The following CALD1 variants were observed in gnomAD, a reference collection of about 807,000 sequenced individuals.
The protein encoded by CALD1 is caldesmon 1, also known as caldesmon.
CALD1 carries 33 observed loss-of-function variants against 99.9 expected under a neutral mutation model. The observed-to-expected ratio is 0.33, with a 90% confidence interval of 0.25 to 0.44. The LOEUF is 0.44. Ranked by LOEUF, CALD1 falls within the 20% of genes least tolerant of loss-of-function variation. The pLI, the probability that CALD1 is intolerant of heterozygous loss-of-function variation, is 1.00. For synonymous variants in CALD1, 310 were observed against 325.0 expected (o/e 0.95, Z 0.50); for missense variants, 861 against 962.1 (o/e 0.89, Z 1.39).
At chr7:134,717,617 C>A in the CALD1 span, among the ~76,000 whole-genome samples, 1 of 152,210 alleles carries the variant, frequency 6.6e-6, no homozygotes, top group African/African-American at 2.4e-5. Flanking sequence ...CTGGAGCATT[C>A]GCCCGCCTCC....
the CALD1 span, among the ~76,000 whole-genome samples, chr7:134,731,095 A>G: frequency 6.6e-6 from 1 of 152,028 alleles, no homozygotes; most frequent in Admixed American, 6.6e-5. Context: ...CCCAACATCC[A>G]GCTGGGAGCC....
At chr7:134,800,915 C>T (rs1220987186) in intron 1 of CALD1, among the ~76,000 whole-genome samples, 1 of 151,924 alleles carries the variant, frequency 6.6e-6, no homozygotes, top group East Asian at 1.9e-4. Flanking sequence ...TTCTGAATTT[C>T]CAGAATTTTT....
chr7:134,774,821 T>C (rs1440163655), upstream of CALD1, among the ~76,000 whole-genome samples: 1 of 152,224 alleles, frequency 6.6e-6, no homozygotes, highest in African/African-American at 2.4e-5. Context: ...CATCTGGACT[T>C]ATGCTAATTC....
chr7:134,751,967 C>A (rs1032932402), intron 1 of CALD1, among the ~76,000 whole-genome samples: 1 of 152,022 alleles, frequency 6.6e-6, no homozygotes, highest in Non-Finnish European at 1.5e-5. Context: ...CAGAGTGATA[C>A]CTGTTTCAAA....
chr7:134,778,973 C>G (rs3807335), upstream of CALD1, among the ~76,000 whole-genome samples: 115 of 152,280 alleles, frequency 7.6e-4, no homozygotes, highest in African/African-American at 2.7e-3. Flanking sequence ...TCCCTTTGGT[C>G]ACTTATTTTT....
chr7:134,917,511 GCTAA>G (rs1235968862), intron 3 of CALD1, among the ~76,000 whole-genome samples: 2 of 152,050 alleles, frequency 1.3e-5, no homozygotes, highest in East Asian at 3.9e-4. Flanking sequence ...ACCACGCCCA[GCTAA>G]CTTTTTGTAT....
intron 7 of CALD1, among the ~76,000 whole-genome samples, chr7:134,944,957 T>C (rs1806741889): frequency 6.6e-6 from 1 of 152,216 alleles, no homozygotes; most frequent in Non-Finnish European, 1.5e-5. Context: ...GTTCTAACTG[T>C]ATCATACAGT....
At chr7:134,775,149 G>A (rs1395408930), upstream of CALD1, among the ~76,000 whole-genome samples, 1 of 151,922 alleles carries the variant, frequency 6.6e-6, no homozygotes, top group Non-Finnish European at 1.5e-5. Flanking sequence ...AAAATTGATT[G>A]TAACCCTGCC....
chr7:134,819,497 G>A (rs1798687696), intron 1 of CALD1, among the ~76,000 whole-genome samples: 1 of 152,180 alleles, frequency 6.6e-6, no homozygotes, highest in African/African-American at 2.4e-5. Flanking sequence ...ACTGTGTCTA[G>A]CACACAGGAA....
At chr7:134,821,311 A>G (rs1359726548) in intron 1 of CALD1, among the ~76,000 whole-genome samples, 1 of 152,068 alleles carries the variant, frequency 6.6e-6, no homozygotes, top group Non-Finnish European at 1.5e-5. Flanking sequence ...TTAAAAACCC[A>G]TATCTCATTG....
chr7:134,834,799 C>T (rs1024237943), intron 1 of CALD1, among the ~76,000 whole-genome samples: 1 of 152,178 alleles, frequency 6.6e-6, no homozygotes, highest in African/African-American at 2.4e-5. Context: ...TCATCCCTAC[C>T]AAACATTCCA....
At chr7:134,736,381 A>G in the CALD1 span, among the ~76,000 whole-genome samples, 1 of 152,150 alleles carries the variant, frequency 6.6e-6, no homozygotes, top group Admixed American at 6.5e-5. Flanking sequence ...TACACACACG[A>G]ACATGCACCC....
At chr7:134,883,834 G>A (rs960838733) in intron 3 of CALD1, among the ~76,000 whole-genome samples, 10 of 152,232 alleles carry the variant, frequency 6.6e-5, no homozygotes, top group African/African-American at 1.9e-4. Context: ...GAAGCTGGCC[G>A]CGGTGGCTCA....
chr7:134,748,115 A>G (rs1230441831), intron 1 of CALD1, among the ~76,000 whole-genome samples: 1 of 152,260 alleles, frequency 6.6e-6, no homozygotes, highest in Non-Finnish European at 1.5e-5. Flanking sequence ...TGAGCCAAAA[A>G]GATTATGCTT....
At chr7:134,762,969 T>G (rs1012099553) in intron 1 of CALD1, among the ~76,000 whole-genome samples, 1 of 152,214 alleles carries the variant, frequency 6.6e-6, no homozygotes, top group African/African-American at 2.4e-5. Context: ...TTATACCAGA[T>G]GCTGGGATAC....
rs5887716 is a variant in CALD1 at position 134,905,922 on chromosome 7, CTTTT to C, written c.72-22811_72-22808del. Among the ~76,000 whole-genome samples, 98 of 94,792 alleles carry C rather than the reference CTTTT, an allele frequency of 1.0e-3. 1 individual carries two copies. Among genetic ancestry groups the C allele is most frequent in the African/African-American group, 4.0e-3 (94 of 23,390 alleles). The allele number at this position is 94,792 out of a possible 152,430, so 62.2% of individuals were successfully genotyped here. On this transcript the variant is annotated intron_variant, in intron 3 of 14. Transcript: ENST00000361675. ...GGCATAATTTTGGACCTCTCTATATCTTTTTTTTTTTTTTTTTTTTTTTTGAGAC... is the reference window on the plus strand; with the variant it reads ...GGCATAATTTTGGACCTCTCTATATCTTTTTTTTTTTTTTTTTTTTGAGAC...
At chr7:134,825,039 C>G (rs1798933612) in intron 1 of CALD1, among the ~76,000 whole-genome samples, 1 of 152,120 alleles carries the variant, frequency 6.6e-6, no homozygotes, top group Admixed American at 6.6e-5. Flanking sequence ...ACTCTTGAAC[C>G]TATGCACATT....
In CALD1 at chr7:134,933,531, T is replaced by G; in HGVS notation, c.762T>G (p.His254Gln). ...REQGSDEISH[H>Q]EKMEEEDKER... ...AAGGTTCAGATGAGATTTCCCATCA[T>G]GAAAAGATGGAAGAGGAAGACAAGG... The change falls in exon 5 of 15, where the codon CAT (histidine) becomes CAG (glutamine). Residue 254 changes from histidine to glutamine, a missense_variant. Coordinates refer to ENST00000361675, the MANE Select transcript of CALD1 (RefSeq NM_033138.4). 1 of 1,613,472 alleles carries G rather than the reference T, an allele frequency of 6.2e-7. No individual in the cohort carries two copies. The highest frequency in any genetic ancestry group is 8.5e-7 in the Non-Finnish European group (1 of 1,179,854).
chr7:134,958,858 T>G (rs1807991162), intron 11 of CALD1, among the ~76,000 whole-genome samples: 1 of 140,752 alleles, frequency 7.1e-6, no homozygotes, highest in Admixed American at 7.4e-5. Context: ...AACGAATGGG[T>G]TTACTGGTAT....
Sources: allele counts gnomAD v4.1 joint callset (sites outside exome capture counted in the v4.1 genomes callset), GRCh38; gene constraint gnomAD v4.1.1; transcripts MANE v1.5; gene names NCBI Gene and HGNC (gene_info 2026-07-23, HGNC 2026-07-21).